PCDH19: variants seen among roughly 807,000 people sequenced by gnomAD.
The protein encoded by PCDH19 is protocadherin 19, also known as protocadherin-19.
In PCDH19, 6 loss-of-function variants were observed where a neutral mutation model predicts 46.2. The observed-to-expected ratio is 0.13, with a 90% CI of 0.07 to 0.26. The LOEUF is 0.26. Ranked by LOEUF, PCDH19 falls within the 10% of genes least tolerant of loss-of-function variation. The pLI, the probability that PCDH19 is intolerant of heterozygous loss-of-function variation, is 1.00. For synonymous variants in PCDH19, 481 were observed against 415.7 expected, an observed-to-expected ratio of 1.16 and a Z score of -1.91; for missense variants, 740 against 972.3, an observed-to-expected ratio of 0.76 and a Z score of 3.18.
At chrX:100,387,555 G>T (rs1822644377) in intron 3 of PCDH19, among the ~76,000 whole-genome samples, 1 of 111,415 alleles carries the variant, frequency 9.0e-6, no homozygotes. Context: ...AATATATTTT[G>T]CCAAAAGTGG....
In PCDH19 at chrX:100,293,063, G is replaced by A. The variant is rs1020199637; in HGVS notation, c.*3214C>T. ...CCACTTTTTGTTTTTAATATGATAG[G>A]GCTACAGGGAAAAGTCAGCTAAACT... On this transcript the variant is annotated 3_prime_UTR_variant, in exon 6 of 6. Transcript: ENST00000373034. 2 of 111,064 alleles carry A rather than the reference G, an allele frequency of 1.8e-5. No homozygotes were observed. Among genetic ancestry groups the A allele is most frequent in the African/African-American group, 6.6e-5 (2 of 30,477 alleles). The allele number at this position is 111,064 out of a possible 1,213,427, so 9.2% of individuals were successfully genotyped here. A position where few individuals can be genotyped will look rare whatever the true frequency, so the allele number is the denominator to read the frequency against.
chrX:100,346,860 G>A (rs1363163554), intron 4 of PCDH19, among the ~76,000 whole-genome samples: 2 of 95,966 alleles, frequency 2.1e-5, no homozygotes, highest in Non-Finnish European at 2.1e-5. Flanking sequence ...GTGGATATCA[G>A]ACAGCAGCCC....
intron 4 of PCDH19, among the ~76,000 whole-genome samples, chrX:100,345,976 A>G (rs1271115455): frequency 8.9e-6 from 1 of 112,458 alleles, no homozygotes; most frequent in Non-Finnish European, 1.9e-5. Flanking sequence ...GCCAGGCATA[A>G]AAATGCTGAT....
In PCDH19 at chrX:100,293,705, T is replaced by A. The variant is rs1924499978; in HGVS notation, c.*2572A>T. On this transcript the variant is annotated 3_prime_UTR_variant, in exon 6 of 6. Transcript: ENST00000373034. The stretch of plus-strand genomic sequence containing the variant: ...AGAGGAATTCTCTGAACATGCTCAG[T>A]GAGGTTTGGAAGCCAAAAAAATCTG... 1 of 110,828 alleles carries A rather than the reference T, an allele frequency of 9.0e-6. No individual in the cohort carries two copies. Among genetic ancestry groups the A allele is most frequent in the South Asian group, 3.9e-4 (1 of 2,540 alleles). The allele number at this position is 110,828 out of a possible 1,213,427, so 9.1% of individuals were successfully genotyped here.
At chrX:100,353,998 T>A (rs189769289) in intron 3 of PCDH19, among the ~76,000 whole-genome samples, 1 of 112,096 alleles carries the variant, frequency 8.9e-6, no homozygotes, top group Admixed American at 9.4e-5. Context: ...GTGAGGCAGT[T>A]GGGTTACAGT....
intron 3 of PCDH19, among the ~76,000 whole-genome samples, chrX:100,370,560 A>T (rs956565818): frequency 3.6e-5 from 4 of 111,724 alleles, no homozygotes; most frequent in African/African-American, 1.3e-4. Context: ...CTCTCATTTC[A>T]ACTTGTTTCC....
At chrX:100,389,044 G>A (rs1927792977) in intron 3 of PCDH19, among the ~76,000 whole-genome samples, 1 of 110,510 alleles carries the variant, frequency 9.0e-6, no homozygotes, top group Non-Finnish European at 1.9e-5. Context: ...TTTTTATATT[G>A]GGGTGTTTGT....
chrX:100,302,310 A>G (rs190274847), intron 5 of PCDH19, among the ~76,000 whole-genome samples: 1 of 112,126 alleles, frequency 8.9e-6, no homozygotes, highest in African/African-American at 3.2e-5. Context: ...GCGGTTAAAC[A>G]CAATTCATGA....
At chrX:100,327,369 T>G (rs1925726305) in intron 5 of PCDH19, among the ~76,000 whole-genome samples, 1 of 112,411 alleles carries the variant, frequency 8.9e-6, no homozygotes, top group African/African-American at 3.2e-5. Flanking sequence ...AGCATGAAAC[T>G]TAAATCTGTA....
chrX:100,315,324 G>A (rs189339914), intron 5 of PCDH19, among the ~76,000 whole-genome samples: 3 of 112,054 alleles, frequency 2.7e-5, no homozygotes, highest in East Asian at 5.6e-4. Flanking sequence ...AGAAAATTTC[G>A]AGTCTTACAT....
chrX:100,349,251 G>A (rs1307879678), intron 4 of PCDH19, among the ~76,000 whole-genome samples: 1 of 111,962 alleles, frequency 8.9e-6, no homozygotes, highest in Non-Finnish European at 1.9e-5. Context: ...TCTAATCAGT[G>A]CACATAAGAG....
intron 3 of PCDH19, among the ~76,000 whole-genome samples, chrX:100,363,081 G>A (rs997798434): frequency 1.8e-5 from 2 of 110,944 alleles, no homozygotes; most frequent in Admixed American, 9.6e-5. Flanking sequence ...CAAGGTGGAC[G>A]GATCACCTGA....
intron 5 of PCDH19, among the ~76,000 whole-genome samples, chrX:100,338,356 A>T (rs1187591025): frequency 9.5e-6 from 1 of 105,352 alleles, no homozygotes; most frequent in Non-Finnish European, 1.9e-5. Context: ...AAAAAAAAAA[A>T]AAAAAAAATA....
At chrX:100,340,771 T>C (rs1926231026) in intron 5 of PCDH19, among the ~76,000 whole-genome samples, 1 of 112,351 alleles carries the variant, frequency 8.9e-6, no homozygotes, top group Non-Finnish European at 1.9e-5. Flanking sequence ...CATTTTGTTT[T>C]GTGGATAGTA....
Position 100,292,009 on chromosome X carries a change from A to AATAGT in PCDH19, c.*4263_*4267dup, listed in dbSNP as rs1924438789. The AATAGT allele has an allele frequency of 8.8e-6, 1 of 113,469 alleles. No homozygotes were observed. The highest frequency in any genetic ancestry group is 3.2e-5 in the African/African-American group (1 of 31,187). The allele number at this position is 113,469 out of a possible 1,213,427, so 9.4% of individuals were successfully genotyped here. ...CACCCTGGTTTGACAGGTAAACAGT[A>AATAGT]ATAGTGTCATCAGGCTCATTCCCCT... On this transcript the variant is annotated 3_prime_UTR_variant, in exon 6 of 6. Coordinates refer to ENST00000373034, the MANE Select transcript of PCDH19 (RefSeq NM_001184880.2).
At chrX:100,371,921 T>C (rs1438989683) in intron 3 of PCDH19, among the ~76,000 whole-genome samples, 1 of 109,535 alleles carries the variant, frequency 9.1e-6, no homozygotes, top group Non-Finnish European at 1.9e-5. Flanking sequence ...TATGATACCA[T>C]GGCCCATTTA....
Position 100,373,853 on chromosome X carries a change from A to G in PCDH19, c.2617-23149T>C, listed in dbSNP as rs182341540. Among the ~76,000 whole-genome samples the G allele has an allele frequency of 3.7e-3, 414 of 113,012 alleles. 2 individuals are homozygous for G. Among genetic ancestry groups the G allele is most frequent in the African/African-American group, 0.013 (399 of 31,131 alleles). On this transcript the variant is annotated intron_variant, in intron 3 of 5. Transcript: ENST00000373034. ...TCTGCTAAAAGTAGAAGCCAGAGGG[A>G]TGGTCTCTTGGGAGTTCTCACAGGT... is the stretch of plus-strand genomic sequence containing the variant.
intron 3 of PCDH19, among the ~76,000 whole-genome samples, chrX:100,375,453 C>T (rs1246877028): frequency 8.9e-6 from 1 of 112,329 alleles, no homozygotes; most frequent in Non-Finnish European, 1.9e-5. Flanking sequence ...CATAGTATTC[C>T]ATTGTGTATA....
rs55977851 is a variant in PCDH19, at chrX:100,334,755, C to CGTGTGTGT, written c.2848+7140_2848+7147dup. On this transcript the variant is annotated intron_variant, in intron 5 of 5. Coordinates refer to ENST00000373034, the MANE Select transcript of PCDH19 (RefSeq NM_001184880.2). The stretch of plus-strand genomic sequence containing the variant: ...AACCGCATAACATATATATAACCAA[C>CGTGTGTGT]GTGTGTGTGTGTGTGTGTGTGTATA... Among the ~76,000 whole-genome samples, 638 of 100,481 alleles carry CGTGTGTGT rather than the reference C, an allele frequency of 6.3e-3. 3 individuals are homozygous for CGTGTGTGT. The highest frequency in any genetic ancestry group is 0.016 in the African/African-American group (439 of 27,470). 87.3% of individuals were successfully genotyped at this position (100,481 alleles called of 115,157 possible).
Sources: gnomAD v4.1 joint callset for allele counts (sites outside exome capture counted in the v4.1 genomes callset) on GRCh38, gnomAD v4.1.1 for gene constraint, MANE v1.5 for transcripts, NCBI Gene and HGNC (gene_info 2026-07-23, HGNC 2026-07-21) for gene names.